SAMD12: variants seen among roughly 807,000 people sequenced by gnomAD.
SAMD12 encodes sterile alpha motif domain-containing protein 12.
Under a neutral mutation model 15.0 loss-of-function variants are expected in SAMD12, and 9 were observed. That is an observed-to-expected ratio of 0.60 (90% confidence interval 0.36 to 1.05). SAMD12 has a LOEUF of 1.05. SAMD12 is among the 50% of genes least tolerant of loss of function. The pLI is 0.01. For synonymous variants in SAMD12, 86 were observed against 90.1 expected (o/e 0.96, Z 0.25); for missense variants, 230 against 234.2 (o/e 0.98, Z 0.12).
chr8:118,283,332 T>C (rs1418394558), intron 4 of SAMD12, among the ~76,000 whole-genome samples: 1 of 152,146 alleles, frequency 6.6e-6, no homozygotes, highest in East Asian at 1.9e-4. Flanking sequence ...ACCTCTCCTA[T>C]GAGGTCAGAG....
chr8:118,334,234 T>G (rs1488593182), intron 4 of SAMD12, among the ~76,000 whole-genome samples: 1 of 152,160 alleles, frequency 6.6e-6, no homozygotes, highest in Non-Finnish European at 1.5e-5. Context: ...ATCGGTGAGC[T>G]CTTTGAGTAC....
chr8:118,530,199 G>A (rs1825646688), intron 2 of SAMD12, among the ~76,000 whole-genome samples: 1 of 152,082 alleles, frequency 6.6e-6, no homozygotes, highest in East Asian at 1.9e-4. Context: ...CATGTCCTTT[G>A]CCTACTTTAT....
the SAMD12 span, among the ~76,000 whole-genome samples, chr8:118,163,834 C>T: frequency 6.6e-6 from 1 of 151,796 alleles, no homozygotes; most frequent in East Asian, 2.0e-4. Context: ...GAGATCGCGC[C>T]ACTGCCCTCC....
chr8:118,196,883 C>T (rs1281741259), exon 5 of SAMD12: 2 of 152,126 alleles, frequency 1.3e-5, no homozygotes, highest in Non-Finnish European at 2.9e-5. Flanking sequence ...TCAATAGTGC[C>T]TGTGAACAAA....
intron 1 of SAMD12, among the ~76,000 whole-genome samples, chr8:118,602,419 A>G (rs953515517): frequency 6.6e-6 from 1 of 152,058 alleles, no homozygotes; most frequent in Non-Finnish European, 1.5e-5. Flanking sequence ...ACACAATTTT[A>G]AAAAAACTAC....
intron 3 of SAMD12, among the ~76,000 whole-genome samples, chr8:118,430,078 A>G (rs1035350844): frequency 8.5e-5 from 13 of 152,194 alleles, no homozygotes; most frequent in African/African-American, 2.9e-4. Context: ...TTATGGATCA[A>G]CACTGAATTT....
At position 118,372,882 on chromosome 8, in the gene SAMD12, C is replaced by T. The variant is rs1434533397; in HGVS notation, c.433+6678G>A. Among the ~76,000 whole-genome samples the T allele has an allele frequency of 2.0e-5, 3 of 152,094 alleles. No homozygotes were observed. The East Asian group carries it at 5.8e-4, about 29-fold the overall frequency. On this transcript the variant is annotated intron_variant, in intron 4 of 4. Coordinates refer to the SAMD12 transcript ENST00000409003. ...ATGACACATCACAGCTTTGATAAGT[C>T]TAAATCCATCTCCAGAAGTCAAAGA...
chr8:118,157,026 C>A, the SAMD12 span, among the ~76,000 whole-genome samples: 350 of 152,274 alleles, frequency 2.3e-3, 1 homozygote, highest in South Asian at 0.013. Flanking sequence ...AGTAAATACA[C>A]AGCAATACTG....
intron 4 of SAMD12, among the ~76,000 whole-genome samples, chr8:118,266,668 A>T (rs890212366): frequency 3.3e-4 from 51 of 152,248 alleles, no homozygotes; most frequent in African/African-American, 1.2e-3. Context: ...AAAAAAGAAG[A>T]TCCTGTCATT....
chr8:118,282,270 T>C, intron 4 of SAMD12: 1 of 456,236 alleles, frequency 2.2e-6, no homozygotes, highest in Non-Finnish European at 4.4e-6. Flanking sequence ...AACTTTTAAC[T>C]TGGGTCATTT....
chr8:118,593,392 A>T (rs1165699019), intron 1 of SAMD12, among the ~76,000 whole-genome samples: 1 of 152,222 alleles, frequency 6.6e-6, no homozygotes, highest in Admixed American at 6.5e-5. Flanking sequence ...AACTGACAAG[A>T]TGCCATCAGA....
intron 1 of SAMD12, among the ~76,000 whole-genome samples, chr8:118,593,015 A>C (rs1827622190): frequency 6.6e-6 from 1 of 152,184 alleles, no homozygotes; most frequent in Non-Finnish European, 1.5e-5. Flanking sequence ...ATTAGCAGGC[A>C]ATTTTGTTTG....
chr8:118,586,340 CTT>C (rs1827438774), intron 1 of SAMD12, among the ~76,000 whole-genome samples: 1 of 147,592 alleles, frequency 6.8e-6, no homozygotes, highest in Non-Finnish European at 1.5e-5. Context: ...TCCTCTTTTT[CTT>C]TCTTTTTTTT....
chr8:118,176,240 G>T, the SAMD12 span, among the ~76,000 whole-genome samples: 1 of 152,160 alleles, frequency 6.6e-6, no homozygotes. Context: ...GGCGGAGGTT[G>T]CAGTGAGCCG....
At chr8:118,451,564 A>C (rs114434200) in intron 2 of SAMD12, among the ~76,000 whole-genome samples, 6,380 of 152,284 alleles carry the variant, frequency 0.042, 334 homozygotes, top group African/African-American at 0.13. Context: ...CAAATAATCA[A>C]AAGTCTAAGT....
the SAMD12 span, among the ~76,000 whole-genome samples, chr8:118,175,502 T>C: frequency 6.6e-6 from 1 of 152,190 alleles, no homozygotes. Flanking sequence ...TGGGAGCTTA[T>C]TAAACTAAAG....
intron 4 of SAMD12, among the ~76,000 whole-genome samples, chr8:118,280,865 TG>T (rs1813612205): frequency 6.6e-6 from 1 of 152,142 alleles, no homozygotes; most frequent in African/African-American, 2.4e-5. Flanking sequence ...GCCACCTGCA[TG>T]GGGGCAGGTA....
the SAMD12 span, among the ~76,000 whole-genome samples, chr8:118,146,063 G>T: frequency 6.6e-6 from 1 of 152,178 alleles, no homozygotes; most frequent in Non-Finnish European, 1.5e-5. Flanking sequence ...GTCCAGTAAG[G>T]GTAATGACAA....
intron 2 of SAMD12, among the ~76,000 whole-genome samples, chr8:118,506,660 C>T (rs890064049): frequency 1.3e-5 from 2 of 151,966 alleles, no homozygotes; most frequent in East Asian, 1.9e-4. Context: ...CCATGACCAG[C>T]GTTGGCTGAC....
Sources: gnomAD v4.1 joint callset for allele counts (sites outside exome capture counted in the v4.1 genomes callset) on GRCh38, gnomAD v4.1.1 for gene constraint, MANE v1.5 for transcripts, NCBI Gene and HGNC (gene_info 2026-07-23, HGNC 2026-07-21) for gene names.